ARHGAP44: variants seen among roughly 807,000 people sequenced by gnomAD.
ARHGAP44 encodes Rho GTPase activating protein 44, also known as rho GTPase-activating protein 44.
ARHGAP44 carries 43 observed loss-of-function variants against 106.8 expected under a neutral mutation model. That is an observed-to-expected ratio of 0.40 (90% confidence interval 0.32 to 0.52). ARHGAP44 has a LOEUF of 0.52. Ranked by LOEUF, ARHGAP44 falls within the 20% of genes least tolerant of loss-of-function variation. The pLI, the probability that ARHGAP44 is intolerant of heterozygous loss-of-function variation, is 0.48. For synonymous variants in ARHGAP44, 439 were observed against 410.3 expected, an observed-to-expected ratio of 1.07 and a Z score of -0.85; for missense variants, 866 against 1,050.5, an observed-to-expected ratio of 0.82 and a Z score of 2.43.
At chr17:12,809,235 A>C (rs1210063873) in intron 1 of ARHGAP44, among the ~76,000 whole-genome samples, 1 of 152,216 alleles carries the variant, frequency 6.6e-6, no homozygotes, top group African/African-American at 2.4e-5. Context: ...AGACTGTTCC[A>C]GTTCTGCCTG....
At chr17:12,938,582 T>TTAAAAAAAAAAAAAAAAA (rs376200698) in intron 7 of ARHGAP44, among the ~76,000 whole-genome samples, 1 of 127,002 alleles carries the variant, frequency 7.9e-6, no homozygotes, top group Non-Finnish European at 1.7e-5. Context: ...AGCTATATAT[T>TTAAAAAAAAAAAAAAAAA]AAAAAAAAAA....
chr17:12,959,135 T>TC, intron 16 of ARHGAP44: 10 of 507,072 alleles, frequency 2.0e-5, no homozygotes, highest in South Asian at 7.2e-5. Context: ...CAGTATTAAT[T>TC]AGTTCTCATC....
In ARHGAP44 at chr17:12,814,863, A is replaced by C. The variant is rs149392963; in HGVS notation, c.53+24972A>C. Among the ~76,000 whole-genome samples, 608 of 152,240 alleles carry C rather than the reference A, an allele frequency of 4.0e-3. 6 individuals are homozygous for C. Among genetic ancestry groups the C allele is most frequent in the South Asian group, 0.017 (82 of 4,816 alleles). The stretch of plus-strand genomic sequence containing the variant: ...TGAAAAAAACCCCAAAAAACCCCCA[A>C]AAAAGCAAAAACCCTCCTTTACTTT... On this transcript the variant is annotated intron_variant, in intron 1 of 20. Coordinates refer to ENST00000379672, the MANE Select transcript of ARHGAP44 (RefSeq NM_014859.6).
intron 18 of ARHGAP44, among the ~76,000 whole-genome samples, chr17:12,975,672 C>T (rs1342974054): frequency 6.6e-6 from 1 of 151,626 alleles, no homozygotes; most frequent in Non-Finnish European, 1.5e-5. Context: ...GTGGCGGGCG[C>T]CTGTAGTCCC....
At chr17:12,931,060 TTTTTG>T (rs373863978) in intron 7 of ARHGAP44, among the ~76,000 whole-genome samples, 63 of 152,298 alleles carry the variant, frequency 4.1e-4, no homozygotes, top group African/African-American at 1.5e-3. Context: ...TGTTTGTTTG[TTTTTG>T]TTTTGTTTTG....
chr17:12,868,059 C>A (rs2036285648), intron 1 of ARHGAP44, among the ~76,000 whole-genome samples: 1 of 152,192 alleles, frequency 6.6e-6, no homozygotes. Flanking sequence ...TCTGTTTGGG[C>A]TGCAATTGCA....
intron 1 of ARHGAP44, among the ~76,000 whole-genome samples, chr17:12,883,326 G>A (rs980393739): frequency 2.0e-5 from 3 of 149,840 alleles, no homozygotes; most frequent in Non-Finnish European, 4.5e-5. Context: ...TTGCCATTTT[G>A]TTAGTTTTTT....
intron 20 of ARHGAP44, among the ~76,000 whole-genome samples, chr17:12,989,724 C>T (rs1188857275): frequency 6.6e-6 from 1 of 152,196 alleles, no homozygotes; most frequent in Non-Finnish European, 1.5e-5. Flanking sequence ...TTGAGACCTA[C>T]TCAGCATCCT....
At chr17:12,918,656 A>G (rs958447131) in intron 5 of ARHGAP44, among the ~76,000 whole-genome samples, 7 of 151,962 alleles carry the variant, frequency 4.6e-5, no homozygotes, top group Non-Finnish European at 7.4e-5. Flanking sequence ...TTCTTTTTAT[A>G]AATATAGAAT....
At chr17:12,799,151 G>C (rs549920530) in intron 1 of ARHGAP44, among the ~76,000 whole-genome samples, 1 of 152,264 alleles carries the variant, frequency 6.6e-6, no homozygotes, top group South Asian at 2.1e-4. Flanking sequence ...CAGCACATAT[G>C]TTTTCTAGTA....
intron 4 of ARHGAP44, among the ~76,000 whole-genome samples, chr17:12,909,327 T>C (rs983138401): frequency 6.6e-6 from 1 of 151,738 alleles, no homozygotes; most frequent in Non-Finnish European, 1.5e-5. Context: ...AAACTGAAAA[T>C]AGAATCGTCA....
In ARHGAP44 at chr17:12,933,942, G is replaced by A. The variant is rs577761015; in HGVS notation, c.582+4896G>A. On this transcript the variant is annotated intron_variant, in intron 7 of 20. Coordinates refer to ENST00000379672, the MANE Select transcript of ARHGAP44 (RefSeq NM_014859.6). Reference sequence around the variant, plus strand: ...CGGCTCACTGCAAGCTCCGCCTCCCGGGTTCATGCCATTCTCCTGCCTCAG... The same window carrying A: ...CGGCTCACTGCAAGCTCCGCCTCCCAGGTTCATGCCATTCTCCTGCCTCAG... Among the ~76,000 whole-genome samples the A allele has an allele frequency of 5.3e-5, 8 of 151,164 alleles. No homozygotes were observed. The East Asian group carries it at 1.2e-3, about 22-fold the overall frequency.
chr17:12,985,194 A>T (rs760370537), intron 20 of ARHGAP44: 7 of 364,652 alleles, frequency 1.9e-5, no homozygotes, highest in Non-Finnish European at 3.4e-5. Context: ...GAAGACACTG[A>T]GTCATTTGGA....
chr17:12,933,816 GC>G (rs1457351139), intron 7 of ARHGAP44, among the ~76,000 whole-genome samples: 1 of 150,252 alleles, frequency 6.7e-6, no homozygotes, highest in Non-Finnish European at 1.5e-5. Flanking sequence ...CACCTTTCCT[GC>G]TTTTATCTCC....
intron 10 of ARHGAP44, among the ~76,000 whole-genome samples, chr17:12,947,522 G>C (rs1469240591): frequency 3.3e-5 from 5 of 152,118 alleles, no homozygotes; most frequent in Non-Finnish European, 5.9e-5. Flanking sequence ...CTGTGAAAAG[G>C]CTTCACTCGT....
intron 1 of ARHGAP44, among the ~76,000 whole-genome samples, chr17:12,855,970 C>A (rs1181562251): frequency 2.0e-5 from 3 of 152,202 alleles, no homozygotes; most frequent in African/African-American, 4.8e-5. Context: ...CAACACAAAA[C>A]CCTCAATCTG....
chr17:12,808,615 C>A (rs1451113202), intron 1 of ARHGAP44, among the ~76,000 whole-genome samples: 1 of 152,224 alleles, frequency 6.6e-6, no homozygotes, highest in Admixed American at 6.5e-5. Context: ...AGTCCTGAGA[C>A]TGCGCAAAGG....
intron 1 of ARHGAP44, among the ~76,000 whole-genome samples, chr17:12,854,555 AG>A (rs2035850768): frequency 6.6e-6 from 1 of 152,196 alleles, no homozygotes; most frequent in East Asian, 1.9e-4. Context: ...TAATAAAGAA[AG>A]TGAGGTGGAC....
At chr17:12,948,761 ACCT>A (rs368088183) in intron 10 of ARHGAP44, among the ~76,000 whole-genome samples, 6 of 54,016 alleles carry the variant, frequency 1.1e-4, no homozygotes, top group African/African-American at 2.6e-4. Flanking sequence ...CCCCCTGTAG[ACCT>A]CCTCACATTC....
Sources: allele counts gnomAD v4.1 joint callset (sites outside exome capture counted in the v4.1 genomes callset), GRCh38; gene constraint gnomAD v4.1.1; transcripts MANE v1.5; gene names NCBI Gene and HGNC (gene_info 2026-07-23, HGNC 2026-07-21).